Variants in FGF14 observed in about 807,000 individuals in gnomAD.
The protein encoded by FGF14 is fibroblast growth factor homologous factor 4.
FGF14 carries 5 observed loss-of-function variants against 25.5 expected under a neutral mutation model. The ratio of observed to expected loss-of-function variants is 0.20; its 90% CI spans 0.10 to 0.41. The LOEUF is 0.41. Among genes scored for constraint, FGF14 ranks in the 10% least tolerant of loss-of-function variants. The pLI is 1.00. For missense variants in FGF14, 222 were observed against 320.1 expected (o/e 0.69, Z 2.34); for synonymous variants, 138 against 118.3 (o/e 1.17, Z -1.08).
At chr13:101,745,981 A>T (rs1182182273) in intron 3 of FGF14, among the ~76,000 whole-genome samples, 1 of 152,104 alleles carries the variant, frequency 6.6e-6, no homozygotes. Flanking sequence ...AAAGAATGTG[A>T]TAGAAAGAAA....
At chr13:102,245,943 T>C (rs1447985535) in intron 1 of FGF14, among the ~76,000 whole-genome samples, 1 of 152,092 alleles carries the variant, frequency 6.6e-6, no homozygotes, top group African/African-American at 2.4e-5. Context: ...ACCGGATGCC[T>C]TCATTTTTCC....
chr13:102,277,426 C>T (rs1391492574), intron 1 of FGF14, among the ~76,000 whole-genome samples: 1 of 152,226 alleles, frequency 6.6e-6, no homozygotes, highest in Admixed American at 6.5e-5. Flanking sequence ...CAGGCAAGAG[C>T]AGCATGCTGG....
At chr13:102,069,890 C>T (rs2140144991) in intron 1 of FGF14, among the ~76,000 whole-genome samples, 1 of 152,302 alleles carries the variant, frequency 6.6e-6, no homozygotes, top group South Asian at 2.1e-4. Context: ...GGTGGATCAC[C>T]TGGCGGGTGG....
intron 3 of FGF14, among the ~76,000 whole-genome samples, chr13:101,775,523 A>T (rs1566885946): frequency 4.6e-5 from 7 of 151,406 alleles, no homozygotes; most frequent in African/African-American, 1.7e-4. Context: ...TTCTGGGGTG[A>T]GTGTGTGTGT....
chr13:102,362,868 A>G (rs900521627), intron 1 of FGF14, among the ~76,000 whole-genome samples: 1 of 152,210 alleles, frequency 6.6e-6, no homozygotes, highest in African/African-American at 2.4e-5. Flanking sequence ...ATCAGATTAA[A>G]ATAATAACTA....
intron 3 of FGF14, among the ~76,000 whole-genome samples, chr13:101,843,417 G>C (rs1365336592): frequency 1.3e-5 from 2 of 151,948 alleles, no homozygotes; most frequent in Non-Finnish European, 2.9e-5. Context: ...TGACAGTGGG[G>C]GGCAGGCCAA....
At chr13:102,029,554 T>C (rs2041106974) in intron 1 of FGF14, among the ~76,000 whole-genome samples, 1 of 152,068 alleles carries the variant, frequency 6.6e-6, no homozygotes, top group South Asian at 2.1e-4. Flanking sequence ...TTAAGCTACA[T>C]TAAACTATAA....
At chr13:102,208,451 A>T (rs2050029979) in intron 1 of FGF14, among the ~76,000 whole-genome samples, 2 of 152,154 alleles carry the variant, frequency 1.3e-5, no homozygotes, top group South Asian at 4.1e-4. Context: ...CAGATCACAC[A>T]CTCCTATCAG....
At chr13:101,985,591 G>T (rs2038530079) in intron 1 of FGF14, among the ~76,000 whole-genome samples, 1 of 151,974 alleles carries the variant, frequency 6.6e-6, no homozygotes, top group Non-Finnish European at 1.5e-5. Context: ...ATCTACTAAG[G>T]AAATGGCTTT....
At chr13:102,065,028 T>G (rs2042844795) in intron 1 of FGF14, among the ~76,000 whole-genome samples, 2 of 152,130 alleles carry the variant, frequency 1.3e-5, no homozygotes, top group Admixed American at 1.3e-4. Flanking sequence ...CACTCTCTTT[T>G]CCACATGAAA....
intron 1 of FGF14, among the ~76,000 whole-genome samples, chr13:102,084,292 A>G (rs1057338051): frequency 4.6e-5 from 7 of 152,116 alleles, no homozygotes; most frequent in African/African-American, 1.7e-4. Context: ...TTCTTGCCCT[A>G]CTAGAATATC....
chr13:101,902,185 A>C (rs1454587808), intron 1 of FGF14, among the ~76,000 whole-genome samples: 1 of 152,180 alleles, frequency 6.6e-6, no homozygotes, highest in Non-Finnish European at 1.5e-5. Context: ...GAATATATAC[A>C]AGAGTAGGCA....
chr13:101,837,330 G>A (rs993954362), intron 3 of FGF14, among the ~76,000 whole-genome samples: 4 of 152,076 alleles, frequency 2.6e-5, no homozygotes, highest in African/African-American at 9.7e-5. Flanking sequence ...AGGTGTATCT[G>A]AGTTTAAATG....
chr13:102,299,233 C>G (rs2054895809), intron 1 of FGF14, among the ~76,000 whole-genome samples: 1 of 152,018 alleles, frequency 6.6e-6, no homozygotes, highest in African/African-American at 2.4e-5. Flanking sequence ...AAACGAAAAG[C>G]TTCTTAAAAA....
intron 3 of FGF14, among the ~76,000 whole-genome samples, chr13:101,805,081 T>G (rs760305376): frequency 5.3e-5 from 8 of 152,188 alleles, no homozygotes; most frequent in Non-Finnish European, 1.0e-4. Context: ...AGTTTAAAAC[T>G]TATGACTATA....
intron 1 of FGF14, among the ~76,000 whole-genome samples, chr13:102,230,734 T>C (rs940478239): frequency 6.6e-6 from 1 of 152,244 alleles, no homozygotes; most frequent in African/African-American, 2.4e-5. Flanking sequence ...ATCTCAGTTA[T>C]AAGATCGAGT....
At chr13:101,843,257 C>T (rs2043279927) in intron 3 of FGF14, among the ~76,000 whole-genome samples, 1 of 152,040 alleles carries the variant, frequency 6.6e-6, no homozygotes, top group Non-Finnish European at 1.5e-5. Context: ...TCAACCCCTG[C>T]CCCTACCTCA....
chr13:102,147,100 T>C (rs2046887366), intron 1 of FGF14, among the ~76,000 whole-genome samples: 1 of 152,064 alleles, frequency 6.6e-6, no homozygotes, highest in Non-Finnish European at 1.5e-5. Flanking sequence ...GGTTATAAAG[T>C]ATTTTGTTGA....
chr13:102,367,112 T>C (rs916337264), intron 1 of FGF14: 2 of 152,216 alleles, frequency 1.3e-5, no homozygotes, highest in African/African-American at 2.4e-5. Flanking sequence ...GCAGTAAGCA[T>C]TTATCATTTC....
Sources: gnomAD v4.1 joint callset for allele counts (sites outside exome capture counted in the v4.1 genomes callset) on GRCh38, gnomAD v4.1.1 for gene constraint, MANE v1.5 for transcripts, NCBI Gene and HGNC (gene_info 2026-07-23, HGNC 2026-07-21) for gene names.